Variants in GARIN5B observed in about 807,000 individuals in gnomAD.
The protein encoded by GARIN5B is golgi associated RAB2 interactor family member 5B.
chr19:55,359,423 G>A, the GARIN5B span: 1 of 1,550,230 alleles, frequency 6.5e-7, no homozygotes, highest in South Asian at 1.2e-5. Flanking sequence ...CGCAGCTGAG[G>A]CCTTCCGGGA....
chr19:55,359,173 G>A, the GARIN5B span: 77 of 1,551,138 alleles, frequency 5.0e-5, no homozygotes, highest in African/African-American at 2.1e-4. Context: ...TTGGCAACAC[G>A]TCAAAATCGC....
At chr19:55,359,943 C>G in the GARIN5B span, 1 of 1,550,480 alleles carries the variant, frequency 6.4e-7, no homozygotes, top group Admixed American at 2.0e-5. Context: ...ACCACATGTC[C>G]CTGGCCTGTG....
chr19:55,359,199 G>C, the GARIN5B span: 1 of 1,551,418 alleles, frequency 6.4e-7, no homozygotes, highest in Non-Finnish European at 8.7e-7. Context: ...AGCTTCCCCC[G>C]TGAGGCAGGC....
At chr19:55,360,698 G>A in the GARIN5B span, 3 of 1,551,372 alleles carry the variant, frequency 1.9e-6, no homozygotes, top group South Asian at 3.6e-5. Flanking sequence ...CTGGCCTTTG[G>A]AGAGGACTGT....
the GARIN5B span, among the ~76,000 whole-genome samples, chr19:55,356,775 C>T: frequency 6.6e-6 from 1 of 152,032 alleles, no homozygotes; most frequent in African/African-American, 2.4e-5. Context: ...CCTGGCTGGG[C>T]ACGGTGGCTC....
At chr19:55,359,813 C>A in the GARIN5B span, 1 of 1,551,378 alleles carries the variant, frequency 6.4e-7, no homozygotes, top group Non-Finnish European at 8.7e-7. Flanking sequence ...CAAAGTGCTG[C>A]CCCCAGAGTC....
chr19:55,362,471 A>G, the GARIN5B span: 2 of 1,541,512 alleles, frequency 1.3e-6, no homozygotes, highest in Admixed American at 2.0e-5. Context: ...GAGGTCATGG[A>G]CGCAGAGGTG....
chr19:55,358,502 T>C, the GARIN5B span: 1 of 1,534,094 alleles, frequency 6.5e-7, no homozygotes, highest in East Asian at 2.5e-5. Flanking sequence ...CCCCTTGGGG[T>C]CCCAGGGTGG....
chr19:55,359,487 T>G, the GARIN5B span: 1 of 1,548,100 alleles, frequency 6.5e-7, no homozygotes, highest in East Asian at 2.4e-5. Flanking sequence ...GCTGGGGCCT[T>G]CTGGGATGGA....
At chr19:55,358,843 G>A in the GARIN5B span, 1 of 1,546,000 alleles carries the variant, frequency 6.5e-7, no homozygotes. Flanking sequence ...CCAGTTCCTT[G>A]GCCTTGACCC....
chr19:55,358,367 T>A, the GARIN5B span: 19 of 1,516,094 alleles, frequency 1.3e-5, no homozygotes, highest in Non-Finnish European at 1.7e-5. Context: ...GATGAGGGTC[T>A]CCGAGAGGGG....
At chr19:55,360,090 A>G in the GARIN5B span, 7 of 823,606 alleles carry the variant, frequency 8.5e-6, 1 homozygote, top group African/African-American at 1.3e-4. Context: ...TCCAGGCCCC[A>G]GCCCCTCCTC....
At chr19:55,355,535 G>A in the GARIN5B span, among the ~76,000 whole-genome samples, 6 of 152,194 alleles carry the variant, frequency 3.9e-5, no homozygotes, top group Admixed American at 6.5e-5. Context: ...CAATAAATCC[G>A]AGGCGGAATC....
the GARIN5B span, chr19:55,358,818 A>G: frequency 6.5e-7 from 1 of 1,547,122 alleles, no homozygotes; most frequent in Admixed American, 2.0e-5. Flanking sequence ...TGCTCCTGGG[A>G]GGGGCCCTCG....
the GARIN5B span, chr19:55,359,692 C>G: frequency 6.4e-7 from 1 of 1,551,536 alleles, no homozygotes; most frequent in Non-Finnish European, 8.7e-7. Context: ...GCCCCGGCCC[C>G]TGGTGGGAGC....
At chr19:55,361,765 C>T in the GARIN5B span, among the ~76,000 whole-genome samples, 4,214 of 51,032 alleles carry the variant, frequency 0.083, 1,517 homozygotes, top group Middle Eastern at 0.13. Flanking sequence ...CCTCCACCCT[C>T]AGACCCAGGA....
At chr19:55,361,993 CA>C in the GARIN5B span, among the ~76,000 whole-genome samples, 1 of 143,906 alleles carries the variant, frequency 6.9e-6, no homozygotes, top group East Asian at 2.0e-4. Flanking sequence ...CCCAGGAGTC[CA>C]GGACCCCAGG....
the GARIN5B span, chr19:55,361,515 C>T: frequency 7.2e-7 from 1 of 1,386,726 alleles, no homozygotes; most frequent in East Asian, 2.6e-5. Flanking sequence ...AGGCCCCCTC[C>T]TGCTCCCAGG....
chr19:55,359,600 G>C, the GARIN5B span: 1 of 1,551,356 alleles, frequency 6.4e-7, no homozygotes, highest in Non-Finnish European at 8.7e-7. Flanking sequence ...AGGTACAGCT[G>C]GGAGCTTCTG....
Sources: gnomAD v4.1 joint callset for allele counts (sites outside exome capture counted in the v4.1 genomes callset) on GRCh38, gnomAD v4.1.1 for gene constraint, MANE v1.5 for transcripts, NCBI Gene and HGNC (gene_info 2026-07-23, HGNC 2026-07-21) for gene names.